Variants in UNC5D observed in about 807,000 individuals in gnomAD.
UNC5D encodes the protein netrin receptor UNC5D.
In UNC5D, 39 loss-of-function variants were observed where a neutral mutation model predicts 105.4. The observed-to-expected ratio is 0.37, with a 90% CI of 0.29 to 0.48. UNC5D has a LOEUF of 0.48. Ranked by LOEUF, UNC5D falls within the 20% of genes least tolerant of loss-of-function variation. The pLI, the probability that UNC5D is intolerant of heterozygous loss-of-function variation, is 0.98. For missense variants in UNC5D, 991 were observed against 1,202.4 expected, an observed-to-expected ratio of 0.82 and a Z score of 2.60; for synonymous variants, 452 against 450.4, an observed-to-expected ratio of 1.00 and a Z score of -0.04.
chr8:35,308,373 A>G (rs1283426208), intron 1 of UNC5D, among the ~76,000 whole-genome samples: 1 of 152,112 alleles, frequency 6.6e-6, no homozygotes, highest in African/African-American at 2.4e-5. Context: ...GAAACTATAG[A>G]TATGAACAGG....
chr8:35,673,272 A>G (rs1400475103), intron 4 of UNC5D, among the ~76,000 whole-genome samples: 1 of 152,208 alleles, frequency 6.6e-6, no homozygotes, highest in Non-Finnish European at 1.5e-5. Flanking sequence ...GACAGGTGAC[A>G]TCTAATCTGA....
At chr8:35,713,112 T>G (rs973589025) in intron 8 of UNC5D, among the ~76,000 whole-genome samples, 2 of 152,210 alleles carry the variant, frequency 1.3e-5, no homozygotes, top group Non-Finnish European at 2.9e-5. Flanking sequence ...ATATCTTTTC[T>G]TACTACCATT....
chr8:35,322,869 T>A (rs1174007400), intron 1 of UNC5D, among the ~76,000 whole-genome samples: 1 of 152,318 alleles, frequency 6.6e-6, no homozygotes, highest in African/African-American at 2.4e-5. Context: ...TTGACAGGTT[T>A]AAAGAGACAA....
chr8:35,628,824 A>G (rs866798942), intron 4 of UNC5D, among the ~76,000 whole-genome samples: 2 of 152,316 alleles, frequency 1.3e-5, no homozygotes, highest in Middle Eastern at 3.4e-3. Context: ...GAGATTTCCA[A>G]CAGTGTGGCC....
At chr8:35,363,367 T>C (rs1294316689) in intron 1 of UNC5D, among the ~76,000 whole-genome samples, 1 of 152,124 alleles carries the variant, frequency 6.6e-6, no homozygotes, top group East Asian at 1.9e-4. Context: ...TATTCACTAC[T>C]ATGAGAACAA....
chr8:35,274,624 A>C (rs1805647523), intron 1 of UNC5D, among the ~76,000 whole-genome samples: 1 of 152,186 alleles, frequency 6.6e-6, no homozygotes, highest in African/African-American at 2.4e-5. Context: ...CTTTGGTGGC[A>C]GACTTGGATA....
rs1803122793 is a variant in UNC5D at position 35,793,211 on chromosome 8, G to A, written c.*2648G>A. The A allele has an allele frequency of 4.5e-6, 2 of 444,440 alleles. No homozygotes were observed. The highest frequency in any genetic ancestry group is 9.0e-6 in the Non-Finnish European group (2 of 221,806). 27.5% of individuals were successfully genotyped at this position (444,440 alleles called of 1,614,324 possible). On this transcript the variant is annotated 3_prime_UTR_variant, in exon 17 of 17. Transcript: ENST00000404895. ...ACTGCATGTCAGGATTGCACAGTATGTTACAATACAATTTCAAAGAGAACC... is the reference window on the plus strand; with the variant it reads ...ACTGCATGTCAGGATTGCACAGTATATTACAATACAATTTCAAAGAGAACC...
chr8:35,790,923 T>C lies in UNC5D; in HGVS notation c.*360T>C, dbSNP rs1586653439. 2 of 250,966 alleles carry C rather than the reference T, an allele frequency of 8.0e-6. No homozygotes were observed. The highest frequency in any genetic ancestry group is 1.7e-4 in the East Asian group (2 of 11,714). 15.5% of individuals were successfully genotyped at this position (250,966 alleles called of 1,614,324 possible). A position where few individuals can be genotyped will look rare whatever the true frequency, so the allele number is the denominator to read the frequency against. ...AAGTGCATGCTTTGAAATAGGTTTT[T>C]AATGATGTGCCCCAAAGGGCCAGCT... is the stretch of plus-strand genomic sequence containing the variant. On this transcript the variant is annotated 3_prime_UTR_variant, in exon 17 of 17. Transcript: ENST00000404895.
intron 4 of UNC5D, among the ~76,000 whole-genome samples, chr8:35,608,933 T>G (rs1820498797): frequency 6.6e-6 from 1 of 152,132 alleles, no homozygotes; most frequent in Non-Finnish European, 1.5e-5. Flanking sequence ...AGTAGTGAGA[T>G]TGCAGGATCT....
intron 4 of UNC5D, among the ~76,000 whole-genome samples, chr8:35,605,330 G>C (rs1389810615): frequency 6.6e-6 from 1 of 152,180 alleles, no homozygotes; most frequent in African/African-American, 2.4e-5. Flanking sequence ...GTTTGCCTGG[G>C]TATCAGCAGC....
chr8:35,341,061 C>A (rs1811420182), intron 1 of UNC5D, among the ~76,000 whole-genome samples: 1 of 152,098 alleles, frequency 6.6e-6, no homozygotes, highest in African/African-American at 2.4e-5. Flanking sequence ...TAGTAGTTAT[C>A]TATGATATTT....
At chr8:35,434,959 G>C (rs944865661) in intron 1 of UNC5D, among the ~76,000 whole-genome samples, 1 of 152,154 alleles carries the variant, frequency 6.6e-6, no homozygotes, top group African/African-American at 2.4e-5. Flanking sequence ...GTATCTGTGT[G>C]AGTTTTATTC....
chr8:35,788,689 A>AACACACACACAC (rs112188484), intron 16 of UNC5D, among the ~76,000 whole-genome samples: 146 of 151,298 alleles, frequency 9.6e-4, no homozygotes, highest in African/African-American at 3.3e-3. Flanking sequence ...GAAGGCAGAA[A>AACACACACACAC]ACACACACAC....
chr8:35,575,322 A>G (rs1404706048), intron 3 of UNC5D, among the ~76,000 whole-genome samples: 4 of 152,198 alleles, frequency 2.6e-5, no homozygotes, highest in Non-Finnish European at 5.9e-5. Flanking sequence ...CTGCCAGTGT[A>G]GGATATGGCT....
Position 35,564,257 on chromosome 8 carries a change from G to C in UNC5D, c.323-3841G>C, listed in dbSNP as rs140873296. On this transcript the variant is annotated intron_variant, in intron 2 of 16. Coordinates refer to ENST00000404895, the MANE Select transcript of UNC5D (RefSeq NM_080872.4). The stretch of plus-strand genomic sequence containing the variant: ...TGAAAGTGTCTTCTTGTAGCAGCTG[G>C]GTAAAATGCTTAAACACATTTCTTA... Among the ~76,000 whole-genome samples the C allele has an allele frequency of 6.3e-3, 964 of 152,070 alleles. 9 individuals carry two copies. The highest frequency in any genetic ancestry group is 0.022 in the African/African-American group (926 of 41,444).
chr8:35,435,679 G>T (rs1806959620), intron 1 of UNC5D, among the ~76,000 whole-genome samples: 1 of 152,054 alleles, frequency 6.6e-6, no homozygotes, highest in Non-Finnish European at 1.5e-5. Flanking sequence ...GTAATCAACT[G>T]ATATATCTAA....
At chr8:35,368,690 A>G (rs563297362) in intron 1 of UNC5D, among the ~76,000 whole-genome samples, 1 of 152,100 alleles carries the variant, frequency 6.6e-6, no homozygotes, top group African/African-American at 2.4e-5. Flanking sequence ...TCCAGCCCTA[A>G]CCCACCATGG....
In UNC5D at chr8:35,265,788, T is replaced by C. The variant is rs1804822461; in HGVS notation, c.103+29901T>C. ...CAGAGGCTGAGGCAGGAGAATGGCG[T>C]GAACCCAGGAGGCAGAGCTTGCAGT... On this transcript the variant is annotated intron_variant, in intron 1 of 16. Coordinates refer to ENST00000404895, the MANE Select transcript of UNC5D (RefSeq NM_080872.4). Among the ~76,000 whole-genome samples, 3 of 151,790 alleles carry C rather than the reference T, an allele frequency of 2.0e-5. No individual in the cohort carries two copies. In the South Asian group the frequency reaches 6.2e-4, roughly 31 times the overall value.
Position 35,617,778 on chromosome 8 carries a change from T to C in UNC5D, c.570+22121T>C, listed in dbSNP as rs560375886. Among the ~76,000 whole-genome samples the C allele has an allele frequency of 1.4e-3, 214 of 152,348 alleles. 1 individual carries two copies. The highest frequency in any genetic ancestry group is 2.4e-3 in the Non-Finnish European group (161 of 68,034). ...AAGAAAAACATCCAACATTCAGAAC[T>C]GAACAGCTGAGAATCCCCTGCTGTG... is the stretch of plus-strand genomic sequence containing the variant. On this transcript the variant is annotated intron_variant, in intron 4 of 16. Transcript: ENST00000404895.
Sources: allele counts gnomAD v4.1 joint callset (sites outside exome capture counted in the v4.1 genomes callset), GRCh38; gene constraint gnomAD v4.1.1; transcripts MANE v1.5; gene names NCBI Gene and HGNC (gene_info 2026-07-23, HGNC 2026-07-21).